The following TMCC3 variants were observed in gnomAD, a reference collection of about 807,000 sequenced individuals.
The protein encoded by TMCC3 is transmembrane and coiled-coil domain protein 3.
Under a neutral mutation model 40.2 loss-of-function variants are expected in TMCC3, and 28 were observed. The observed-to-expected ratio is 0.70, with a 90% CI of 0.52 to 0.95. The LOEUF (loss-of-function observed/expected upper bound fraction) is 0.95, where lower values mean the gene tolerates loss of function less well. Among genes scored for constraint, TMCC3 ranks in the 40% least tolerant of loss-of-function variants. The probability of loss-of-function intolerance (pLI) is 0.00; values close to 1 mark genes in which losing one functional copy is unlikely to be tolerated. For missense variants in TMCC3, 554 were observed against 615.2 expected (o/e 0.90, Z 1.05); for synonymous variants, 255 against 248.5 (o/e 1.03, Z -0.25).
chr12:94,615,949 C>T (rs955626200), intron 1 of TMCC3: 45 of 985,400 alleles, frequency 4.6e-5, no homozygotes, highest in Admixed American at 6.1e-5. Flanking sequence ...AACCCAGGAG[C>T]AGAGCAGGAT....
chr12:94,621,444 C>CT, intron 1 of TMCC3, among the ~76,000 whole-genome samples: 1 of 152,302 alleles, frequency 6.6e-6, no homozygotes, highest in African/African-American at 2.4e-5. Flanking sequence ...ACCTCCACCC[C>CT]ATTCTTATGT....
chr12:94,648,972 T>C (rs2069036428), intron 1 of TMCC3, among the ~76,000 whole-genome samples: 1 of 152,232 alleles, frequency 6.6e-6, no homozygotes, highest in South Asian at 2.1e-4. Context: ...CAAGAAGAAA[T>C]GTCTACCTGT....
intron 1 of TMCC3, among the ~76,000 whole-genome samples, chr12:94,586,182 C>A (rs1032477645): frequency 6.6e-6 from 1 of 152,120 alleles, no homozygotes. Context: ...CAACAAGATA[C>A]ACAAATACAA....
intron 1 of TMCC3, among the ~76,000 whole-genome samples, chr12:94,594,149 C>T (rs1434170853): frequency 2.6e-5 from 4 of 151,704 alleles, no homozygotes; most frequent in Admixed American, 2.6e-4. Flanking sequence ...TAATATCTGC[C>T]CCTTACCTCT....
intron 3 of TMCC3, among the ~76,000 whole-genome samples, chr12:94,575,207 G>A (rs1180245684): frequency 5.3e-5 from 8 of 152,266 alleles, no homozygotes; most frequent in Admixed American, 3.3e-4. Context: ...AACCGTGCCT[G>A]TAAGAACAAA....
chr12:94,570,994 C>T lies in TMCC3; in HGVS notation c.*441G>A, dbSNP rs2068523786. The T allele has an allele frequency of 9.9e-6, 2 of 202,590 alleles. No homozygotes were observed. Among genetic ancestry groups the T allele is most frequent in the African/African-American group, 4.7e-5 (2 of 42,630 alleles). The allele number at this position is 202,590 out of a possible 1,614,324, so 12.5% of individuals were successfully genotyped here. A position where few individuals can be genotyped will look rare whatever the true frequency, so the allele number is the denominator to read the frequency against. The stretch of plus-strand genomic sequence containing the variant: ...ATAGGCCACAGTGTTTAACACTGCC[C>T]AAGCCTGTGATTCTTCATTCCCTGA... On this transcript the variant is annotated 3_prime_UTR_variant, in exon 4 of 4. Coordinates refer to ENST00000261226, the MANE Select transcript of TMCC3 (RefSeq NM_020698.4).
At chr12:94,602,910 C>G (rs751104781) in intron 1 of TMCC3, among the ~76,000 whole-genome samples, 2 of 152,126 alleles carry the variant, frequency 1.3e-5, no homozygotes, top group Non-Finnish European at 2.9e-5. Flanking sequence ...CGTAAAGAAG[C>G]AAGGTGGCTG....
intron 1 of TMCC3, among the ~76,000 whole-genome samples, chr12:94,595,993 C>A (rs1223793911): frequency 6.6e-6 from 1 of 152,194 alleles, no homozygotes; most frequent in African/African-American, 2.4e-5. Flanking sequence ...AAACTGATTT[C>A]CTTGGGTTGA....
intron 1 of TMCC3, among the ~76,000 whole-genome samples, chr12:94,649,523 G>A (rs1301539602): frequency 6.6e-6 from 1 of 151,986 alleles, no homozygotes; most frequent in African/African-American, 2.4e-5. Context: ...TTGTTAAATG[G>A]CACTTCAATC....
chr12:94,643,875 CAT>C (rs1356797233), intron 1 of TMCC3, among the ~76,000 whole-genome samples: 2 of 152,220 alleles, frequency 1.3e-5, no homozygotes, highest in African/African-American at 2.4e-5. Flanking sequence ...CTAGCTCTAC[CAT>C]AGTTTCCTAA....
At chr12:94,621,326 C>T (rs1312738182) in intron 1 of TMCC3, among the ~76,000 whole-genome samples, 1 of 152,172 alleles carries the variant, frequency 6.6e-6, no homozygotes, top group Non-Finnish European at 1.5e-5. Context: ...GAAGTGAGGA[C>T]CAGTATGTGG....
At chr12:94,650,310 C>A in intron 1 of TMCC3, 43 bp downstream of exon 1, 1 of 1,202,482 alleles carries the variant, frequency 8.3e-7, no homozygotes, top group South Asian at 3.1e-5. Context: ...GCCTCGCCCC[C>A]GGGCCCGCGC....
At chr12:94,624,107 G>A (rs932481442) in intron 1 of TMCC3, among the ~76,000 whole-genome samples, 1 of 152,174 alleles carries the variant, frequency 6.6e-6, no homozygotes, top group African/African-American at 2.4e-5. Context: ...TACTAGGATG[G>A]CTGTAATTAA....
At chr12:94,588,393 G>A (rs908645104) in intron 1 of TMCC3, among the ~76,000 whole-genome samples, 1 of 152,208 alleles carries the variant, frequency 6.6e-6, no homozygotes, top group African/African-American at 2.4e-5. Context: ...AGGCCACAGA[G>A]TAGCCACAAT....
intron 1 of TMCC3, among the ~76,000 whole-genome samples, chr12:94,599,571 C>CACAA (rs1566323353): frequency 5.3e-5 from 7 of 131,468 alleles, no homozygotes; most frequent in African/African-American, 2.0e-4. Flanking sequence ...CCCCCCCGCC[C>CACAA]ACACACACAC....
At position 94,573,627 on chromosome 12, in the gene TMCC3, A is replaced by C. The variant is rs143018164; in HGVS notation, c.1132-1890T>G. ...AGGGTCTCACTCTGTTGCCCAGGCT[A>C]GGGTGCAATGGCACAGTCAGAGCTC... On this transcript the variant is annotated intron_variant, in intron 3 of 3. Transcript: ENST00000261226. Among the ~76,000 whole-genome samples the C allele has an allele frequency of 2.6e-5, 4 of 152,232 alleles. No homozygotes were observed. The East Asian group carries it at 7.7e-4, about 29-fold the overall frequency.
At chr12:94,645,377 G>C (rs928317298) in intron 1 of TMCC3, among the ~76,000 whole-genome samples, 2 of 152,112 alleles carry the variant, frequency 1.3e-5, no homozygotes, top group African/African-American at 4.8e-5. Context: ...TATAGTACAG[G>C]TCCCCTATTC....
chr12:94,587,420 T>C (rs1594272071), intron 1 of TMCC3, among the ~76,000 whole-genome samples: 1 of 152,224 alleles, frequency 6.6e-6, no homozygotes, highest in African/African-American at 2.4e-5. Context: ...GAGACAGTAC[T>C]GCATCATAAA....
At position 94,602,419 on chromosome 12, in the gene TMCC3, G is replaced by A. The variant is rs531842606; in HGVS notation, c.79-19881C>T. ...TTAAGACAGTGCGCTAAAGCTGAAAGTACCATAGCAAACATGTGCACTGGT... is the reference window on the plus strand; with the variant it reads ...TTAAGACAGTGCGCTAAAGCTGAAAATACCATAGCAAACATGTGCACTGGT... On this transcript the variant is annotated intron_variant, in intron 1 of 3. Coordinates refer to ENST00000261226, the MANE Select transcript of TMCC3 (RefSeq NM_020698.4). Among the ~76,000 whole-genome samples, 440 of 152,332 alleles carry A rather than the reference G, an allele frequency of 2.9e-3. 3 individuals carry two copies. The highest frequency in any genetic ancestry group is 0.01 in the African/African-American group (423 of 41,572).
Sources: allele counts gnomAD v4.1 joint callset (sites outside exome capture counted in the v4.1 genomes callset), GRCh38; gene constraint gnomAD v4.1.1; transcripts MANE v1.5; gene names NCBI Gene and HGNC (gene_info 2026-07-23, HGNC 2026-07-21).